TRPM3: variants seen among roughly 807,000 people sequenced by gnomAD.
TRPM3 encodes long transient receptor potential channel 3.
TRPM3 carries 77 observed loss-of-function variants against 181.2 expected under a neutral mutation model. That is an observed-to-expected ratio of 0.42 (90% confidence interval 0.35 to 0.51). The LOEUF is 0.51. Among genes scored for constraint, TRPM3 ranks in the 20% least tolerant of loss-of-function variants. TRPM3 has a pLI of 0.01. For missense variants in TRPM3, 1,759 were observed against 2,196.7 expected (o/e 0.80, Z 3.98); for synonymous variants, 745 against 796.4 (o/e 0.94, Z 1.09).
chr9:70,995,129 A>T (rs192015245), intron 1 of TRPM3, among the ~76,000 whole-genome samples: 29 of 152,220 alleles, frequency 1.9e-4, no homozygotes, highest in Non-Finnish European at 4.1e-4. Context: ...TAATCTCATC[A>T]GCATTTTCTT....
At position 70,575,116 on chromosome 9, in the gene TRPM3, T is replaced by TC. The variant is rs2053593314; in HGVS notation, c.3223+15914_3223+15915insG. ...GCCACCACATCCCGCATAATTTTTT[T>TC]TTTTTTTTTTGTAGAGACAGGGTCT... On this transcript the variant is annotated intron_variant, in intron 22 of 25. Transcript: ENST00000677713. 2.0e-5 allele frequency among the ~76,000 whole-genome samples: 3 copies of TC among 150,486 alleles called. No individual in the cohort carries two copies. The South Asian group carries it at 6.3e-4, about 32-fold the overall frequency.
At chr9:70,667,502 G>C (rs1017456721) in intron 9 of TRPM3, among the ~76,000 whole-genome samples, 1 of 152,026 alleles carries the variant, frequency 6.6e-6, no homozygotes, top group African/African-American at 2.4e-5. Flanking sequence ...TTGTGGCCCA[G>C]GTCTCACTTT....
intron 1 of TRPM3, among the ~76,000 whole-genome samples, chr9:71,201,880 G>A (rs543111897): frequency 1.8e-4 from 27 of 152,298 alleles, no homozygotes; most frequent in African/African-American, 4.6e-4. Context: ...GAGGAACTGC[G>A]TTCCTTTGGA....
intron 1 of TRPM3, among the ~76,000 whole-genome samples, chr9:71,439,494 G>A (rs1195930616): frequency 1.3e-5 from 2 of 152,246 alleles, no homozygotes; most frequent in Non-Finnish European, 2.9e-5. Flanking sequence ...AGATTCAGTT[G>A]CAAAACCAGC....
chr9:71,320,447 C>T (rs1486624501), intron 1 of TRPM3, among the ~76,000 whole-genome samples: 1 of 152,006 alleles, frequency 6.6e-6, no homozygotes, highest in Non-Finnish European at 1.5e-5. Context: ...TAAGAAAATA[C>T]CAATGTTGGT....
At chr9:70,836,945 G>C (rs181457680) in intron 5 of TRPM3, among the ~76,000 whole-genome samples, 1 of 152,184 alleles carries the variant, frequency 6.6e-6, no homozygotes, top group Non-Finnish European at 1.5e-5. Flanking sequence ...ACTCATCACT[G>C]TTCTCACTAG....
intron 1 of TRPM3, among the ~76,000 whole-genome samples, chr9:71,069,601 CTTTTTTCTTTTT>C (rs1329693107): frequency 7.4e-6 from 1 of 135,550 alleles, no homozygotes; most frequent in Admixed American, 7.5e-5. Flanking sequence ...GCCAAAATTC[CTTTTTTCTTTTT>C]TTTTTTTTTT....
At chr9:71,227,212 T>C (rs1353615039) in intron 1 of TRPM3, among the ~76,000 whole-genome samples, 1 of 149,738 alleles carries the variant, frequency 6.7e-6, no homozygotes, top group Non-Finnish European at 1.5e-5. Flanking sequence ...TTGGAAACCA[T>C]ATAAACACAT....
chr9:71,311,621 G>GA (rs1322153744), intron 1 of TRPM3, among the ~76,000 whole-genome samples: 3 of 152,028 alleles, frequency 2.0e-5, no homozygotes, highest in Non-Finnish European at 4.4e-5. Flanking sequence ...AACTCAACAT[G>GA]AGTCATAGAT....
chr9:71,410,021 C>T (rs2093514572), intron 1 of TRPM3, among the ~76,000 whole-genome samples: 1 of 152,078 alleles, frequency 6.6e-6, no homozygotes, highest in South Asian at 2.1e-4. Context: ...GGGTACATAA[C>T]AAAATTAAGG....
At chr9:71,415,192 C>G (rs1022817732) in intron 1 of TRPM3, among the ~76,000 whole-genome samples, 2 of 152,006 alleles carry the variant, frequency 1.3e-5, no homozygotes, top group Non-Finnish European at 2.9e-5. Flanking sequence ...CCAAGAGAAG[C>G]TGGAAAAGAC....
At chr9:71,387,100 T>C (rs1229702693) in intron 1 of TRPM3, among the ~76,000 whole-genome samples, 1 of 152,158 alleles carries the variant, frequency 6.6e-6, no homozygotes, top group South Asian at 2.1e-4. Context: ...CGAGTATGAA[T>C]AGATCAATGA....
At chr9:70,960,580 G>T (rs1445415047) in intron 1 of TRPM3, among the ~76,000 whole-genome samples, 2 of 152,164 alleles carry the variant, frequency 1.3e-5, no homozygotes, top group Admixed American at 6.5e-5. Context: ...TGTTGTAGCA[G>T]GAATACTGGG....
intron 1 of TRPM3, among the ~76,000 whole-genome samples, chr9:71,218,646 A>AAC (rs1292618153): frequency 6.6e-6 from 1 of 152,176 alleles, no homozygotes; most frequent in African/African-American, 2.4e-5. Context: ...TCATTCATCC[A>AAC]ACACACATAA....
chr9:71,011,787 T>G (rs991513803), intron 1 of TRPM3, among the ~76,000 whole-genome samples: 56 of 135,176 alleles, frequency 4.1e-4, no homozygotes, highest in African/African-American at 1.5e-3. Flanking sequence ...TTTTTGTTTT[T>G]TTGTTTTTTT....
At chr9:70,542,920 A>C (rs567255664) in intron 25 of TRPM3, among the ~76,000 whole-genome samples, 1 of 152,310 alleles carries the variant, frequency 6.6e-6, no homozygotes, top group African/African-American at 2.4e-5. Flanking sequence ...TCTATGAATT[A>C]TTAAGTCCTT....
intron 8 of TRPM3, among the ~76,000 whole-genome samples, chr9:70,754,711 G>A (rs2076754791): frequency 2.6e-5 from 4 of 152,134 alleles, no homozygotes; most frequent in South Asian, 2.1e-4. Flanking sequence ...ACTTGGCAAC[G>A]GTTAGACTGG....
intron 1 of TRPM3, among the ~76,000 whole-genome samples, chr9:70,971,664 T>C (rs1028696610): frequency 6.6e-6 from 1 of 152,144 alleles, no homozygotes; most frequent in Non-Finnish European, 1.5e-5. Context: ...GATAAATTTG[T>C]ATTTTGGTTC....
intron 1 of TRPM3, among the ~76,000 whole-genome samples, chr9:70,950,860 A>C (rs987934759): frequency 6.6e-6 from 1 of 152,006 alleles, no homozygotes; most frequent in Non-Finnish European, 1.5e-5. Context: ...TTACAGGAAA[A>C]TTTTCCAATT....
Sources: gnomAD v4.1 joint callset for allele counts (sites outside exome capture counted in the v4.1 genomes callset) on GRCh38, gnomAD v4.1.1 for gene constraint, MANE v1.5 for transcripts, NCBI Gene and HGNC (gene_info 2026-07-23, HGNC 2026-07-21) for gene names.